GUCY1A2: variants seen among roughly 807,000 people sequenced by gnomAD.
GUCY1A2 encodes the protein guanylate cyclase soluble subunit alpha-2.
A neutral mutation model predicts 63.5 loss-of-function variants in GUCY1A2; 27 were observed. That is an observed-to-expected ratio of 0.43 (90% CI 0.31 to 0.59). The LOEUF is 0.59. Among genes scored for constraint, GUCY1A2 ranks in the 20% least tolerant of loss-of-function variants. The pLI is 0.11. For synonymous variants in GUCY1A2, 364 were observed against 343.5 expected, an observed-to-expected ratio of 1.06 and a Z score of -0.66; for missense variants, 768 against 913.3, an observed-to-expected ratio of 0.84 and a Z score of 2.05.
intron 4 of GUCY1A2, among the ~76,000 whole-genome samples, chr11:106,914,865 A>C (rs1320590458): frequency 6.6e-6 from 1 of 152,084 alleles, no homozygotes; most frequent in Non-Finnish European, 1.5e-5. Flanking sequence ...TTGTCACTCC[A>C]TCTTCCAACA....
intron 5 of GUCY1A2, among the ~76,000 whole-genome samples, chr11:106,779,856 C>G (rs1245357825): frequency 1.3e-5 from 2 of 152,090 alleles, no homozygotes; most frequent in Admixed American, 6.6e-5. Context: ...GTAAATATGA[C>G]AAATTCATAT....
chr11:106,786,529 C>G (rs757015499), intron 5 of GUCY1A2, among the ~76,000 whole-genome samples: 1 of 152,204 alleles, frequency 6.6e-6, no homozygotes, highest in Non-Finnish European at 1.5e-5. Context: ...CCAATTCCTG[C>G]ACAGGAATGT....
At chr11:106,983,968 G>A in intron 2 of GUCY1A2, among the ~76,000 whole-genome samples, 1 of 152,274 alleles carries the variant, frequency 6.6e-6, no homozygotes, top group South Asian at 2.1e-4. Flanking sequence ...GTTCGAGGGT[G>A]AGTGATATTA....
intron 3 of GUCY1A2, among the ~76,000 whole-genome samples, chr11:106,944,234 A>AAAAAAAAAAAAAAAAAAAAAAAAC (rs1163034583): frequency 6.9e-6 from 1 of 144,308 alleles, no homozygotes; most frequent in Non-Finnish European, 1.5e-5. Context: ...AAAAAAAAAA[A>AAAAAAAAAAAAAAAAAAAAAAAAC]AAGCAGGTGG....
rs928948426 is a variant in GUCY1A2 at position 106,680,121 on chromosome 11, T to C, written c.*7428A>G. Reference sequence around the variant, plus strand: ...AACTAACTCTCTTTGCTTCATCTCTTCTAAAGCTCCTGCCCACCTCACTCA... The same window carrying C: ...AACTAACTCTCTTTGCTTCATCTCTCCTAAAGCTCCTGCCCACCTCACTCA... On this transcript the variant is annotated 3_prime_UTR_variant, in exon 8 of 8. Transcript: ENST00000526355. 4.6e-6 allele frequency: 1 copy of C among 215,378 alleles called. No individual in the cohort carries two copies. Among genetic ancestry groups the C allele is most frequent in the Non-Finnish European group, 9.4e-6 (1 of 106,890 alleles). The allele number at this position is 215,378 out of a possible 1,614,324, so 13.3% of individuals were successfully genotyped here. A position where few individuals can be genotyped will look rare whatever the true frequency, so the allele number is the denominator to read the frequency against.
intron 4 of GUCY1A2, among the ~76,000 whole-genome samples, chr11:106,818,817 G>C (rs1281611516): frequency 6.6e-6 from 1 of 152,180 alleles, no homozygotes; most frequent in African/African-American, 2.4e-5. Flanking sequence ...AGTTTTAGTA[G>C]TATGCATGGA....
chr11:106,802,757 A>T (rs750417543), intron 5 of GUCY1A2, among the ~76,000 whole-genome samples: 2 of 152,156 alleles, frequency 1.3e-5, no homozygotes, highest in Non-Finnish European at 2.9e-5. Flanking sequence ...AAAGAAAGCA[A>T]GCTCAAGTCA....
intron 7 of GUCY1A2, among the ~76,000 whole-genome samples, chr11:106,692,268 G>T (rs1862638661): frequency 6.6e-6 from 1 of 152,064 alleles, no homozygotes; most frequent in Non-Finnish European, 1.5e-5. Context: ...CACACTCTGG[G>T]AGTTTTGGCA....
In GUCY1A2 at chr11:106,914,001, AAAG is replaced by A. The variant is rs1348133416; in HGVS notation, c.1206+25456_1206+25458del. 2.5e-3 allele frequency among the ~76,000 whole-genome samples: 381 copies of A among 150,384 alleles called. 1 individual carries two copies. Among genetic ancestry groups the A allele is most frequent in the African/African-American group, 7.3e-3 (298 of 40,920 alleles). On this transcript the variant is annotated intron_variant, in intron 4 of 7. Transcript: ENST00000526355. ...AATGAAAAAGCAAAAAAAAAAAAAA[AAAG>A]AAAGAAAGAAAGAAAAAGAAAGAGA... is the stretch of plus-strand genomic sequence containing the variant.
intron 4 of GUCY1A2, among the ~76,000 whole-genome samples, chr11:106,938,490 T>C (rs1860708628): frequency 6.6e-6 from 1 of 152,116 alleles, no homozygotes; most frequent in Non-Finnish European, 1.5e-5. Context: ...GCTAATAGCT[T>C]CCCTCAAATG....
At chr11:106,705,203 G>A (rs1862888102) in intron 7 of GUCY1A2, among the ~76,000 whole-genome samples, 1 of 152,088 alleles carries the variant, frequency 6.6e-6, no homozygotes, top group Non-Finnish European at 1.5e-5. Flanking sequence ...AAAATATGGT[G>A]GAGTCATACA....
intron 6 of GUCY1A2, among the ~76,000 whole-genome samples, chr11:106,727,504 G>T (rs112901809): frequency 4.4e-4 from 67 of 152,248 alleles, no homozygotes; most frequent in African/African-American, 1.6e-3. Flanking sequence ...GATCTTGGAA[G>T]AAAACCACAT....
At chr11:106,729,049 A>C (rs1220294573) in intron 6 of GUCY1A2, among the ~76,000 whole-genome samples, 1 of 152,182 alleles carries the variant, frequency 6.6e-6, no homozygotes, top group Admixed American at 6.6e-5. Flanking sequence ...ATATTGTTCC[A>C]TGTGCTAGGT....
intron 4 of GUCY1A2, among the ~76,000 whole-genome samples, chr11:106,884,127 C>T (rs919668744): frequency 6.6e-6 from 1 of 151,956 alleles, no homozygotes; most frequent in Non-Finnish European, 1.5e-5. Context: ...CACATGTATA[C>T]GTATGTAACA....
intron 2 of GUCY1A2, among the ~76,000 whole-genome samples, chr11:106,983,916 A>AT (rs1861368887): frequency 6.6e-6 from 1 of 152,166 alleles, no homozygotes; most frequent in Admixed American, 6.5e-5. Flanking sequence ...CTTAAATTGT[A>AT]TTTTCTTAAG....
At chr11:106,919,585 G>A (rs1860414373) in intron 4 of GUCY1A2, among the ~76,000 whole-genome samples, 1 of 151,988 alleles carries the variant, frequency 6.6e-6, no homozygotes, top group East Asian at 1.9e-4. Context: ...GACAATAAAG[G>A]CATGTGGACT....
intron 4 of GUCY1A2, among the ~76,000 whole-genome samples, chr11:106,860,176 T>A (rs1337652826): frequency 6.6e-6 from 1 of 151,956 alleles, no homozygotes; most frequent in Non-Finnish European, 1.5e-5. Flanking sequence ...ACATATTGGG[T>A]TAAAAAGAGC....
chr11:106,991,204 G>A (rs1444995347), intron 1 of GUCY1A2, among the ~76,000 whole-genome samples: 1 of 150,660 alleles, frequency 6.6e-6, no homozygotes, highest in Non-Finnish European at 1.5e-5. Flanking sequence ...ATTTCACTAT[G>A]TTGCCCAGGT....
intron 1 of GUCY1A2, among the ~76,000 whole-genome samples, chr11:107,015,050 T>C (rs1353638134): frequency 6.6e-6 from 1 of 152,184 alleles, no homozygotes. Context: ...ACTTGCCAAA[T>C]AAAATAAGGT....
Sources: allele counts gnomAD v4.1 joint callset (sites outside exome capture counted in the v4.1 genomes callset), GRCh38; gene constraint gnomAD v4.1.1; transcripts MANE v1.5; gene names NCBI Gene and HGNC (gene_info 2026-07-23, HGNC 2026-07-21).